RBFOX1: variants seen among roughly 807,000 people sequenced by gnomAD.
RBFOX1 encodes RNA binding protein fox-1 homolog 1.
In RBFOX1, 8 loss-of-function variants were observed where a neutral mutation model predicts 57.7. That is an observed-to-expected ratio of 0.14 (90% CI 0.08 to 0.25). The LOEUF (loss-of-function observed/expected upper bound fraction) is 0.25, where lower values mean the gene tolerates loss of function less well. RBFOX1 is among the 10% of genes least tolerant of loss of function. The probability of loss-of-function intolerance (pLI) is 1.00; values close to 1 mark genes in which losing one functional copy is unlikely to be tolerated. For synonymous variants in RBFOX1, 326 were observed against 222.4 expected, an observed-to-expected ratio of 1.47 and a Z score of -4.15; for missense variants, 611 against 548.5, an observed-to-expected ratio of 1.11 and a Z score of -1.14.
intron 3 of RBFOX1, among the ~76,000 whole-genome samples, chr16:6,865,101 C>G (rs1406166418): frequency 7.2e-6 from 1 of 139,832 alleles, no homozygotes; most frequent in African/African-American, 2.7e-5. Flanking sequence ...CTCCTGGGTT[C>G]AAGCAATTCT....
intron 4 of RBFOX1, among the ~76,000 whole-genome samples, chr16:7,428,494 T>TTTTTTATTA (rs71391634): frequency 2.3e-4 from 29 of 128,712 alleles, no homozygotes; most frequent in Non-Finnish European, 3.4e-4. Context: ...TCCTGGCTAT[T>TTTTTTATTA]TTATTATTAT....
chr16:7,665,053 G>A, intron 13 of RBFOX1, 85 bp downstream of exon 13: 4 of 1,611,964 alleles, frequency 2.5e-6, no homozygotes, highest in Non-Finnish European at 3.4e-6. Flanking sequence ...TCTCTACTTG[G>A]CGTAGTTGAG....
chr16:7,258,261 TATTA>T (rs1217842490), intron 4 of RBFOX1, among the ~76,000 whole-genome samples: 4 of 152,370 alleles, frequency 2.6e-5, no homozygotes, highest in Middle Eastern at 6.8e-3. Flanking sequence ...GTGTCCTTCT[TATTA>T]ATTATTCTAG....
intron 2 of RBFOX1, among the ~76,000 whole-genome samples, chr16:6,654,259 T>G (rs1050091857): frequency 6.6e-6 from 1 of 152,164 alleles, no homozygotes; most frequent in Admixed American, 6.5e-5. Context: ...ATGGGAGAGA[T>G]ATTAAAGGCA....
chr16:7,580,442 C>T (rs1286064482), intron 6 of RBFOX1, among the ~76,000 whole-genome samples: 1 of 152,094 alleles, frequency 6.6e-6, no homozygotes, highest in Non-Finnish European at 1.5e-5. Flanking sequence ...CAAAACAAAA[C>T]CACCACCACC....
intron 3 of RBFOX1, among the ~76,000 whole-genome samples, chr16:5,863,074 C>T (rs2057262716): frequency 6.6e-6 from 1 of 152,158 alleles, no homozygotes; most frequent in Non-Finnish European, 1.5e-5. Flanking sequence ...TGAGTTCAGA[C>T]CCGGCCCCTG....
At chr16:6,908,044 C>G (rs747418528) in intron 3 of RBFOX1, among the ~76,000 whole-genome samples, 3 of 151,770 alleles carry the variant, frequency 2.0e-5, no homozygotes, top group Non-Finnish European at 4.4e-5. Flanking sequence ...CTATCCAAAT[C>G]ATCTTTACTT....
intron 1 of RBFOX1, among the ~76,000 whole-genome samples, chr16:6,199,055 T>G (rs2097198742): frequency 6.6e-6 from 1 of 152,136 alleles, no homozygotes; most frequent in African/African-American, 2.4e-5. Flanking sequence ...ACGTGTTTTC[T>G]CTTCTGCAGC....
intron 2 of RBFOX1, among the ~76,000 whole-genome samples, chr16:6,578,490 A>G (rs918538451): frequency 1.3e-5 from 2 of 151,770 alleles, no homozygotes; most frequent in Non-Finnish European, 2.9e-5. Flanking sequence ...ATAAAAATCC[A>G]TGGTAAAATG....
chr16:5,837,823 T>G (rs1441362797), intron 3 of RBFOX1, among the ~76,000 whole-genome samples: 2 of 152,308 alleles, frequency 1.3e-5, no homozygotes, highest in East Asian at 3.9e-4. Flanking sequence ...CACACTATCC[T>G]TAGTATTGAC....
intron 3 of RBFOX1, among the ~76,000 whole-genome samples, chr16:5,651,818 G>T (rs1040136547): frequency 6.6e-6 from 1 of 152,128 alleles, no homozygotes; most frequent in African/African-American, 2.4e-5. Flanking sequence ...TTGCATATCG[G>T]TAACAAAGTA....
At chr16:7,587,129 A>ATGT in intron 6 of RBFOX1, 118 bp from the exon 7 acceptor site, 1 of 1,211,182 alleles carries the variant, frequency 8.3e-7, no homozygotes, top group Non-Finnish European at 1.1e-6. Flanking sequence ...AAAACATAAA[A>ATGT]TGTGTATCCT....
chr16:7,103,143 C>T (rs186425182), intron 4 of RBFOX1, among the ~76,000 whole-genome samples: 1 of 151,586 alleles, frequency 6.6e-6, no homozygotes, highest in African/African-American at 2.4e-5. Context: ...CAAAGTATTA[C>T]TGAAAGTTAT....
intron 3 of RBFOX1, among the ~76,000 whole-genome samples, chr16:6,924,861 T>G (rs1180250300): frequency 9.5e-6 from 1 of 105,122 alleles, no homozygotes; most frequent in Non-Finnish European, 1.8e-5. Context: ...CAACAGTCCC[T>G]GGTGTGTGAT....
At chr16:6,909,334 G>A (rs561059796) in intron 3 of RBFOX1, among the ~76,000 whole-genome samples, 4 of 152,122 alleles carry the variant, frequency 2.6e-5, no homozygotes, top group Admixed American at 1.3e-4. Flanking sequence ...TCTTCCTCTT[G>A]TAAGGAACTT....
At chr16:7,219,631 G>C (rs1265792396) in intron 4 of RBFOX1, among the ~76,000 whole-genome samples, 2 of 152,192 alleles carry the variant, frequency 1.3e-5, no homozygotes, top group Non-Finnish European at 2.9e-5. Context: ...CACACTTGAT[G>C]GGATTGTTTT....
At chr16:7,048,480 C>G (rs764734042) in intron 3 of RBFOX1, among the ~76,000 whole-genome samples, 1 of 151,432 alleles carries the variant, frequency 6.6e-6, no homozygotes, top group South Asian at 2.1e-4. Flanking sequence ...AGGATGGTCT[C>G]GATCTCCTGA....
intron 14 of RBFOX1, among the ~76,000 whole-genome samples, chr16:7,694,525 T>C (rs775470023): frequency 3.3e-5 from 5 of 152,242 alleles, no homozygotes; most frequent in Non-Finnish European, 5.9e-5. Context: ...TCAAGAGGTA[T>C]GCATGATGCA....
chr16:7,089,664 C>G (rs1227371446), intron 4 of RBFOX1, among the ~76,000 whole-genome samples: 1 of 152,110 alleles, frequency 6.6e-6, no homozygotes, highest in Non-Finnish European at 1.5e-5. Flanking sequence ...CAACTCAAAG[C>G]AGAGGAAAAA....
Sources: allele counts gnomAD v4.1 joint callset (sites outside exome capture counted in the v4.1 genomes callset), GRCh38; gene constraint gnomAD v4.1.1; transcripts MANE v1.5; gene names NCBI Gene and HGNC (gene_info 2026-07-23, HGNC 2026-07-21).